ZCCHC14: variants seen among roughly 807,000 people sequenced by gnomAD.
The protein encoded by ZCCHC14 is zinc finger CCHC domain-containing protein 14.
ZCCHC14 carries 16 observed loss-of-function variants against 85.0 expected under a neutral mutation model. That is an observed-to-expected ratio of 0.19 (90% confidence interval 0.13 to 0.29). ZCCHC14 has a LOEUF of 0.29. Ranked by LOEUF, ZCCHC14 falls within the 10% of genes least tolerant of loss-of-function variation. The pLI is 1.00. For synonymous variants in ZCCHC14, 775 were observed against 630.7 expected (o/e 1.23, Z -3.43); for missense variants, 1,303 against 1,443.5 (o/e 0.90, Z 1.58).
intron 4 of ZCCHC14, among the ~76,000 whole-genome samples, chr16:87,422,516 G>A (rs1338202406): frequency 6.6e-6 from 1 of 151,782 alleles, no homozygotes; most frequent in East Asian, 1.9e-4. Flanking sequence ...CCTGAGGTCA[G>A]GAGTTCAAGA....
intron 2 of ZCCHC14, among the ~76,000 whole-genome samples, chr16:87,459,762 G>C (rs768048489): frequency 7.8e-4 from 119 of 152,126 alleles, no homozygotes; most frequent in Non-Finnish European, 3.5e-4. Flanking sequence ...GCCCACCTCA[G>C]TCTCCCAAAG....
intron 2 of ZCCHC14, among the ~76,000 whole-genome samples, chr16:87,451,358 C>T (rs1284908747): frequency 6.6e-6 from 1 of 151,742 alleles, no homozygotes; most frequent in Non-Finnish European, 1.5e-5. Flanking sequence ...CTACCACACC[C>T]AGCTAATCTT....
intron 2 of ZCCHC14, among the ~76,000 whole-genome samples, chr16:87,435,980 A>G (rs1314050048): frequency 6.6e-6 from 1 of 152,228 alleles, no homozygotes; most frequent in African/African-American, 2.4e-5. Flanking sequence ...AACTTCCCAC[A>G]ATGACATCAC....
intron 3 of ZCCHC14, among the ~76,000 whole-genome samples, chr16:87,425,705 G>C (rs753085093): frequency 6.6e-6 from 1 of 152,236 alleles, no homozygotes; most frequent in African/African-American, 2.4e-5. Context: ...TCCCCACACA[G>C]AACTCCAAGA....
At chr16:87,421,420 G>C (rs986140136) in intron 4 of ZCCHC14, among the ~76,000 whole-genome samples, 1 of 152,162 alleles carries the variant, frequency 6.6e-6, no homozygotes, top group African/African-American at 2.4e-5. Flanking sequence ...TGGAAGAAGG[G>C]GAAAAGCAAA....
Position 87,415,350 on chromosome 16 carries a change from T to C in ZCCHC14, c.1401A>G (p.Glu467=), listed in dbSNP as rs1372604376. 6.2e-7 allele frequency: 1 copy of C among 1,613,730 alleles called. No homozygotes were observed. The highest frequency in any genetic ancestry group is 8.5e-7 in the Non-Finnish European group (1 of 1,179,930). Residue 467 remains glutamate (E), a synonymous_variant, in exon 9 of 13, where the codon GAA becomes GAG. Coordinates refer to ENST00000671377, the MANE Select transcript of ZCCHC14 (RefSeq NM_015144.3). Reference sequence around the variant, plus strand: ...GAGACTCAAATTTATTCAGATCTTCTTCAGTAAGGCTCAAAAACTTTCACA... The same window carrying C: ...GAGACTCAAATTTATTCAGATCTTCCTCAGTAAGGCTCAAAAACTTTCACA... The part of the protein sequence containing the change: ...LSMEKFLSLT[E]EDLNKFESLT...
chr16:87,438,218 C>A (rs1002387279), intron 2 of ZCCHC14, among the ~76,000 whole-genome samples: 1 of 152,282 alleles, frequency 6.6e-6, no homozygotes, highest in African/African-American at 2.4e-5. Context: ...GAGGAATGCA[C>A]GCCCCGACCC....
chr16:87,489,814 AAAT>A (rs1393832257), intron 1 of ZCCHC14, among the ~76,000 whole-genome samples: 2 of 152,228 alleles, frequency 1.3e-5, no homozygotes, highest in Non-Finnish European at 2.9e-5. Context: ...TGCCCAATCA[AAAT>A]AATAATCACC....
chr16:87,429,346 C>CT (rs985803811), intron 3 of ZCCHC14, among the ~76,000 whole-genome samples: 16 of 151,884 alleles, frequency 1.1e-4, no homozygotes, highest in African/African-American at 3.6e-4. Context: ...GGCAAATCAT[C>CT]TTTTTTTTTC....
At position 87,491,559 on chromosome 16, in the gene ZCCHC14, T is replaced by A; in HGVS notation, c.570+110A>T. 2.0e-6 allele frequency: 2 copies of A among 1,023,438 alleles called. No homozygotes were observed. Among genetic ancestry groups the A allele is most frequent in the Non-Finnish European group, 2.6e-6 (2 of 777,274 alleles). 63.4% of individuals were successfully genotyped at this position (1,023,438 alleles called of 1,614,324 possible). A position where few individuals can be genotyped will look rare whatever the true frequency, so the allele number is the denominator to read the frequency against. On this transcript the variant is annotated intron_variant, in intron 1 of 12. Transcript: ENST00000671377. This position sits in a 1 kb window ranked among gnomAD's most constrained non-coding sequence, Gnocchi z 5.9. ...TGGAGACCTGGGTGGGAGCTCTCAG[T>A]GCAGGCTGGAGGCGTGGGTCGGGGG...
At chr16:87,489,312 C>A (rs1912647075) in intron 1 of ZCCHC14, among the ~76,000 whole-genome samples, 1 of 152,180 alleles carries the variant, frequency 6.6e-6, no homozygotes, top group Non-Finnish European at 1.5e-5. Flanking sequence ...GTCACAGAAT[C>A]TTCCAGTTTT....
chr16:87,490,207 G>C (rs1165404707), intron 1 of ZCCHC14, among the ~76,000 whole-genome samples: 1 of 152,066 alleles, frequency 6.6e-6, no homozygotes, highest in Non-Finnish European at 1.5e-5. Context: ...CATTAAAAAA[G>C]AAAAGCCACA....
chr16:87,434,906 G>C (rs900273571), intron 2 of ZCCHC14, among the ~76,000 whole-genome samples: 1 of 144,422 alleles, frequency 6.9e-6, no homozygotes, highest in African/African-American at 2.6e-5. Flanking sequence ...CAGGAGAATT[G>C]CTTGAACCTG....
chr16:87,443,037 A>G (rs1309978134), intron 2 of ZCCHC14, among the ~76,000 whole-genome samples: 1 of 152,238 alleles, frequency 6.6e-6, no homozygotes, highest in African/African-American at 2.4e-5. Flanking sequence ...GACCATCAGG[A>G]AGGAAAGAAA....
chr16:87,436,760 A>G (rs1297615001), intron 2 of ZCCHC14, among the ~76,000 whole-genome samples: 2 of 152,244 alleles, frequency 1.3e-5, no homozygotes, highest in Non-Finnish European at 2.9e-5. Context: ...TATTAACTGG[A>G]AAATTACAAA....
In ZCCHC14 at chr16:87,411,860, G is replaced by C. The variant is rs745771333; in HGVS notation, c.2861C>G (p.Pro954Arg). 1 of 1,607,220 alleles carries C rather than the reference G, an allele frequency of 6.2e-7. No individual in the cohort carries two copies. The highest frequency in any genetic ancestry group is 8.5e-7 in the Non-Finnish European group (1 of 1,177,332). ...ANYFQHPFSGPSVFTFPFLPF... is the reference protein window; with the variant it reads ...ANYFQHPFSGRSVFTFPFLPF... ...CAAGAAGGGGAAGGTGAACACGGAC[G>C]GACCGGAGAACGGGTGCTGGAAGTA... Residue 954 changes from proline (P) to arginine (R), a missense_variant, in exon 12 of 13, where the codon CCG (proline) becomes CGG (arginine). By Grantham distance (103) the Pro-to-Arg change is moderately radical. Coordinates refer to ENST00000671377, the MANE Select transcript of ZCCHC14 (RefSeq NM_015144.3).
rs1208728500 is a variant in ZCCHC14, at chr16:87,492,824, ACG to A, written c.-588_-587del. Among the ~76,000 whole-genome samples the A allele has an allele frequency of 6.9e-6, 1 of 145,634 alleles. No homozygotes were observed. The highest frequency in any genetic ancestry group is 1.5e-5 in the Non-Finnish European group (1 of 65,880). ...CGAAACGGACGCTGGAGGGGGAGGG[ACG>A]CGCGGCGGGAGGCGCGGAGGGATCC... On this transcript the variant is annotated 5_prime_UTR_variant, in exon 1 of 13. Coordinates refer to ENST00000671377, the MANE Select transcript of ZCCHC14 (RefSeq NM_015144.3). This position sits in a 1 kb window ranked among gnomAD's most constrained non-coding sequence, Gnocchi z 6.7.
In ZCCHC14 at chr16:87,412,459, C is replaced by G; in HGVS notation, c.2262G>C (p.Glu754Asp). The change falls in exon 12 of 13, where the codon GAG becomes GAC. Residue 754 changes from glutamate to aspartate, a missense_variant. Glu to Asp is a conservative substitution (Grantham distance 45). This residue lies in a region of ZCCHC14 where 797 missense variants were observed against 730.8 expected (regional missense o/e 1.09). Coordinates refer to ENST00000671377, the MANE Select transcript of ZCCHC14 (RefSeq NM_015144.3). ...KTAQQPALVVETSTAATGTPS... is the reference protein window; with the variant it reads ...KTAQQPALVVDTSTAATGTPS... ...GCGTCCCCGTGGCGGCCGTGCTGGT[C>G]TCCACGACCAGGGCCGGTTGCTGTG... is the stretch of plus-strand genomic sequence containing the variant. 6.2e-7 allele frequency: 1 copy of G among 1,613,932 alleles called. No individual in the cohort carries two copies. The highest frequency in any genetic ancestry group is 8.5e-7 in the Non-Finnish European group (1 of 1,179,974).
rs1908254788 is a variant in ZCCHC14, at chr16:87,407,484, G to T, written c.*2796C>A. Reference sequence around the variant, plus strand: ...CCATGAAATCAACATTAGAAAATAAGGTAGAAAACTGAGTGTTTTGCTTAA... The same window carrying T: ...CCATGAAATCAACATTAGAAAATAATGTAGAAAACTGAGTGTTTTGCTTAA... On this transcript the variant is annotated 3_prime_UTR_variant, in exon 13 of 13. Transcript: ENST00000671377. 2 of 152,110 alleles carry T rather than the reference G, an allele frequency of 1.3e-5. No individual in the cohort carries two copies. The highest frequency in any genetic ancestry group is 4.8e-5 in the African/African-American group (2 of 41,398). The allele number at this position is 152,110 out of a possible 1,614,324, so 9.4% of individuals were successfully genotyped here. A position where few individuals can be genotyped will look rare whatever the true frequency, so the allele number is the denominator to read the frequency against.
Sources: allele counts gnomAD v4.1 joint callset (sites outside exome capture counted in the v4.1 genomes callset), GRCh38; gene constraint gnomAD v4.1.1; regional missense constraint gnomAD v4.1.1; non-coding constraint Gnocchi (gnomAD v3.1); transcripts MANE v1.5; gene names NCBI Gene and HGNC (gene_info 2026-07-23, HGNC 2026-07-21).